The following NCAM2 variants were observed in gnomAD, a reference collection of about 807,000 sequenced individuals.
The protein encoded by NCAM2 is neural cell adhesion molecule 2.
Under a neutral mutation model 98.1 loss-of-function variants are expected in NCAM2, and 30 were observed. The ratio of observed to expected loss-of-function variants is 0.31; its 90% CI spans 0.23 to 0.41. The LOEUF is 0.41. Ranked by LOEUF, NCAM2 falls within the 10% of genes least tolerant of loss-of-function variation. The pLI is 1.00. For missense variants in NCAM2, 867 were observed against 1,005.8 expected, an observed-to-expected ratio of 0.86 and a Z score of 1.87; for synonymous variants, 368 against 342.4, an observed-to-expected ratio of 1.07 and a Z score of -0.83.
intron 1 of NCAM2, among the ~76,000 whole-genome samples, chr21:21,221,611 A>AT (rs1202814175): frequency 7.2e-5 from 11 of 152,334 alleles, no homozygotes; most frequent in African/African-American, 2.6e-4. Flanking sequence ...ATCCGGAGCA[A>AT]TACCCTAGTA....
chr21:21,396,947 C>G (rs1220017018), intron 9 of NCAM2, among the ~76,000 whole-genome samples: 2 of 152,170 alleles, frequency 1.3e-5, no homozygotes, highest in Non-Finnish European at 2.9e-5. Context: ...TGTGTTACAG[C>G]TCTTTCAGTC....
chr21:21,312,702 G>C (rs1245391609), intron 5 of NCAM2, among the ~76,000 whole-genome samples: 1 of 151,614 alleles, frequency 6.6e-6, no homozygotes, highest in East Asian at 1.9e-4. Context: ...TATATGACAT[G>C]TTAAATTATC....
intron 1 of NCAM2, among the ~76,000 whole-genome samples, chr21:21,173,173 C>T (rs934599292): frequency 1.3e-5 from 2 of 151,942 alleles, no homozygotes. Context: ...TTTAGTAACA[C>T]ACAAGAAAAT....
At chr21:20,998,776 C>T (rs2063966366) in intron 1 of NCAM2, among the ~76,000 whole-genome samples, 158 bp downstream of exon 1, 1 of 152,086 alleles carries the variant, frequency 6.6e-6, no homozygotes, top group Non-Finnish European at 1.5e-5. Flanking sequence ...CCTAGCTGTC[C>T]CTAAAATTGT....
intron 1 of NCAM2, among the ~76,000 whole-genome samples, chr21:21,176,117 A>G (rs2068281359): frequency 6.6e-6 from 1 of 152,224 alleles, no homozygotes; most frequent in South Asian, 2.1e-4. Flanking sequence ...GGTAGCTGAG[A>G]TACCACTGTG....
At chr21:21,303,029 G>C (rs549930004) in intron 5 of NCAM2, among the ~76,000 whole-genome samples, 24 of 152,088 alleles carry the variant, frequency 1.6e-4, no homozygotes, top group African/African-American at 4.6e-4. Flanking sequence ...ATTTTCACTT[G>C]CAAGTAAGGG....
chr21:21,162,889 A>C (rs1328743809), intron 1 of NCAM2, among the ~76,000 whole-genome samples: 1 of 152,152 alleles, frequency 6.6e-6, no homozygotes, highest in Non-Finnish European at 1.5e-5. Context: ...TTTATCTGTC[A>C]AAAGATATCA....
intron 12 of NCAM2, among the ~76,000 whole-genome samples, chr21:21,437,912 T>TTATATATATA (rs145129785): frequency 2.7e-5 from 4 of 150,324 alleles, no homozygotes; most frequent in East Asian, 2.0e-4. Context: ...AAAGCACATA[T>TTATATATATA]TATATATATA....
intron 5 of NCAM2, among the ~76,000 whole-genome samples, chr21:21,293,566 T>G (rs2073371019): frequency 2.0e-5 from 3 of 151,844 alleles, no homozygotes; most frequent in Admixed American, 2.0e-4. Flanking sequence ...AGTCCGATAT[T>G]TATTAAGGGT....
At chr21:21,207,145 T>C (rs955859303) in intron 1 of NCAM2, among the ~76,000 whole-genome samples, 3 of 152,192 alleles carry the variant, frequency 2.0e-5, no homozygotes, top group East Asian at 1.9e-4. Flanking sequence ...ATCAGTTATG[T>C]AGTCATAATT....
At chr21:21,336,055 T>C (rs2074858793) in intron 7 of NCAM2, among the ~76,000 whole-genome samples, 1 of 152,296 alleles carries the variant, frequency 6.6e-6, no homozygotes, top group East Asian at 1.9e-4. Context: ...CATGTAACTA[T>C]ACTTAAATAT....
At chr21:21,076,611 T>C (rs902112593) in intron 1 of NCAM2, among the ~76,000 whole-genome samples, 1 of 152,176 alleles carries the variant, frequency 6.6e-6, no homozygotes, top group Non-Finnish European at 1.5e-5. Context: ...TTCCTAACAG[T>C]TGTAGATTTC....
At chr21:21,014,295 AC>A (rs1164041115) in intron 1 of NCAM2, among the ~76,000 whole-genome samples, 1 of 152,024 alleles carries the variant, frequency 6.6e-6, no homozygotes, top group South Asian at 2.1e-4. Flanking sequence ...GTGGTGGTGC[AC>A]ACCTGTAGTT....
chr21:21,229,852 T>TA (rs1424697573), intron 1 of NCAM2, among the ~76,000 whole-genome samples: 2 of 151,478 alleles, frequency 1.3e-5, no homozygotes, highest in Admixed American at 1.3e-4. Context: ...CAGACGTATT[T>TA]ACAAGCCAAG....
intron 8 of NCAM2, among the ~76,000 whole-genome samples, chr21:21,361,430 G>GTT (rs200216952): frequency 3.3e-5 from 5 of 151,602 alleles, no homozygotes; most frequent in African/African-American, 1.2e-4. Flanking sequence ...TTTGTACCAT[G>GTT]TTTTTTTTGG....
intron 16 of NCAM2, among the ~76,000 whole-genome samples, chr21:21,510,949 C>G (rs2146360646): frequency 6.6e-6 from 1 of 152,072 alleles, no homozygotes; most frequent in East Asian, 1.9e-4. Context: ...AAGCAATATC[C>G]TGACTTCATA....
chr21:21,059,429 A>G (rs2065277111), intron 1 of NCAM2, among the ~76,000 whole-genome samples: 1 of 152,120 alleles, frequency 6.6e-6, no homozygotes, highest in East Asian at 1.9e-4. Flanking sequence ...TAAAATTAAT[A>G]TTTAACTCTA....
intron 1 of NCAM2, among the ~76,000 whole-genome samples, chr21:21,129,770 A>G (rs1423130685): frequency 2.6e-5 from 4 of 152,214 alleles, no homozygotes; most frequent in Non-Finnish European, 5.9e-5. Flanking sequence ...CATTCAGTCC[A>G]TAGCAATAGT....
At chr21:21,490,341 C>T (rs1986745915) in intron 15 of NCAM2, among the ~76,000 whole-genome samples, 1 of 151,912 alleles carries the variant, frequency 6.6e-6, no homozygotes, top group Non-Finnish European at 1.5e-5. Flanking sequence ...ATTTCATCTA[C>T]TTTTTAAGGA....
Sources: gnomAD v4.1 joint callset for allele counts (sites outside exome capture counted in the v4.1 genomes callset) on GRCh38, gnomAD v4.1.1 for gene constraint, MANE v1.5 for transcripts, NCBI Gene and HGNC (gene_info 2026-07-23, HGNC 2026-07-21) for gene names.